The following SLC47A2 variants were observed in gnomAD, a reference collection of about 807,000 sequenced individuals.
SLC47A2 encodes the protein solute carrier family 47 member 2.
Under a neutral mutation model 67.7 loss-of-function variants are expected in SLC47A2, and 52 were observed. The observed-to-expected ratio is 0.77, with a 90% CI of 0.61 to 0.97. The LOEUF is 0.97. Among genes scored for constraint, SLC47A2 ranks in the 50% least tolerant of loss-of-function variants. The pLI, the probability that SLC47A2 is intolerant of heterozygous loss-of-function variation, is 0.00. For missense variants in SLC47A2, 676 were observed against 712.3 expected, an observed-to-expected ratio of 0.95 and a Z score of 0.58; for synonymous variants, 278 against 292.9, an observed-to-expected ratio of 0.95 and a Z score of 0.52.
At chr17:19,713,642 T>C (rs1041845279) in intron 4 of SLC47A2, among the ~76,000 whole-genome samples, 183 bp downstream of exon 4, 1 of 152,230 alleles carries the variant, frequency 6.6e-6, no homozygotes, top group Non-Finnish European at 1.5e-5. Context: ...TGGTCACTGC[T>C]GGAGCCGCAG....
intron 6 of SLC47A2, 78 bp downstream of exon 6, chr17:19,708,638 A>C: frequency 6.2e-7 from 1 of 1,600,346 alleles, no homozygotes; most frequent in Non-Finnish European, 8.5e-7. Context: ...AGAGAAGGGG[A>C]AAGCCCCAGG....
At chr17:19,707,430 C>T (rs181967840) in intron 8 of SLC47A2, among the ~76,000 whole-genome samples, 37 of 152,328 alleles carry the variant, frequency 2.4e-4, no homozygotes, top group African/African-American at 6.5e-4. Context: ...AGGCACCCCA[C>T]GCACTGCTGA....
At chr17:19,708,259 G>A in intron 7 of SLC47A2, 43 bp downstream of exon 7, 2 of 1,601,916 alleles carry the variant, frequency 1.2e-6, no homozygotes, top group Non-Finnish European at 1.7e-6. Context: ...AGAGCTCAGT[G>A]GGCAGTGTCC....
intron 5 of SLC47A2, among the ~76,000 whole-genome samples, chr17:19,711,935 C>A (rs1008630271): frequency 1.3e-5 from 2 of 151,882 alleles, no homozygotes; most frequent in South Asian, 2.1e-4. Context: ...TACCAGATAA[C>A]CTTTGGAATT....
chr17:19,713,489 T>A (rs2086160091), intron 4 of SLC47A2, among the ~76,000 whole-genome samples: 1 of 152,188 alleles, frequency 6.6e-6, no homozygotes. Flanking sequence ...TATGGGAAAA[T>A]GCACACACTT....
chr17:19,681,370 C>T lies in SLC47A2; in HGVS notation c.1389G>A (p.Glu463=). 1 of 1,605,074 alleles carries T rather than the reference C, an allele frequency of 6.2e-7. No homozygotes were observed. Among genetic ancestry groups the T allele is most frequent in the Non-Finnish European group, 8.5e-7 (1 of 1,175,286 alleles). Reference sequence around the variant, plus strand: ...CAGGGTCAGCTGACCCACTTACCTCCTCTGCAGCAAGCTTCCAGTCCAGCC... The same window carrying T: ...CAGGGTCAGCTGACCCACTTACCTCTTCTGCAGCAAGCTTCCAGTCCAGCC... ...TARLDWKLAA[E]EAKKHSGRQQ... Residue 463 remains glutamate (E), a synonymous_variant, in exon 15 of 17, where the codon GAG becomes GAA. Transcript: ENST00000433844.
At chr17:19,714,165 C>T (rs923172969) in intron 3 of SLC47A2, among the ~76,000 whole-genome samples, 192 bp from the exon 4 acceptor site, 1 of 152,214 alleles carries the variant, frequency 6.6e-6, no homozygotes, top group Non-Finnish European at 1.5e-5. Flanking sequence ...ACTGTCTCCA[C>T]TGTTCTTCCA....
intron 5 of SLC47A2, 62 bp downstream of exon 5, chr17:19,712,641 G>A: frequency 2.6e-6 from 4 of 1,566,394 alleles, no homozygotes; most frequent in Non-Finnish European, 3.5e-6. Flanking sequence ...GATAGAGTGG[G>A]AAAGCAAAAA....
In SLC47A2 at chr17:19,715,269, G is replaced by A. The variant is rs117483482; in HGVS notation, c.124-52C>T. On this transcript the variant is annotated intron_variant, in intron 1 of 16. Transcript: ENST00000433844. ...CGGGGCCACAGGTGCCCACACAGCC[G>A]AGCCCTGCAAGACAGGCCTCTCCAG... 6.1e-3 allele frequency: 9,367 copies of A among 1,536,714 alleles called. 354 individuals are homozygous for A. In the East Asian group the frequency reaches 0.11, roughly 19 times the overall value.
At chr17:19,683,763 T>C (rs1050077602) in intron 13 of SLC47A2, among the ~76,000 whole-genome samples, 17 of 152,232 alleles carry the variant, frequency 1.1e-4, no homozygotes, top group African/African-American at 4.1e-4. Context: ...CAGCAGAGAA[T>C]GGAAGCTTTG....
Position 19,678,498 on chromosome 17 carries a change from C to G in SLC47A2, c.*188G>C, listed in dbSNP as rs545027117. On this transcript the variant is annotated 3_prime_UTR_variant, in exon 17 of 17. Coordinates refer to ENST00000433844, the MANE Select transcript of SLC47A2 (RefSeq NM_001099646.3). ...GAAGAAAACTCCAGCTTGACCAGAA[C>G]AGAATTGTCAAGTCTGTTCAGACCC... 4.0e-4 allele frequency: 250 copies of G among 618,746 alleles called. No individual in the cohort carries two copies. The South Asian group carries it at 5.0e-3, about 12-fold the overall frequency. 38.3% of individuals were successfully genotyped at this position (618,746 alleles called of 1,614,324 possible). A position where few individuals can be genotyped will look rare whatever the true frequency, so the allele number is the denominator to read the frequency against.
At chr17:19,707,108 G>A (rs572009270) in intron 8 of SLC47A2, among the ~76,000 whole-genome samples, 1 of 152,204 alleles carries the variant, frequency 6.6e-6, no homozygotes, top group South Asian at 2.1e-4. Flanking sequence ...CCTCCCTGGG[G>A]AGTTTTCAGA....
intron 13 of SLC47A2, among the ~76,000 whole-genome samples, chr17:19,688,060 A>G (rs900930789): frequency 2.6e-5 from 4 of 152,210 alleles, no homozygotes; most frequent in Admixed American, 2.0e-4. Flanking sequence ...TTATCTTGAT[A>G]CCAAAACCAA....
At chr17:19,703,192 A>G (rs746305118) in intron 11 of SLC47A2, 25 bp from the exon 12 acceptor site, 2 of 1,610,532 alleles carry the variant, frequency 1.2e-6, no homozygotes, top group African/African-American at 1.3e-5. Context: ...AGGTGCAGCA[A>G]TGACAGACCC....
intron 13 of SLC47A2, among the ~76,000 whole-genome samples, chr17:19,682,666 T>C (rs1234831172): frequency 1.3e-5 from 2 of 152,198 alleles, no homozygotes; most frequent in Non-Finnish European, 2.9e-5. Context: ...TAATCACACC[T>C]GCAAAGTCCC....
chr17:19,686,350 G>A (rs2085428596), intron 13 of SLC47A2, among the ~76,000 whole-genome samples: 2 of 152,122 alleles, frequency 1.3e-5, no homozygotes, highest in South Asian at 4.1e-4. Context: ...TATACTACCA[G>A]AGAAAATCAC....
In SLC47A2 at chr17:19,678,807, G is replaced by A. The variant is rs1567612178; in HGVS notation, c.1580C>T (p.Ser527Leu). Residue 527 changes from serine (S) to leucine (L), a missense_variant, in exon 17 of 17, where the codon TCA (serine) becomes TTA (leucine). By Grantham distance (145) the Ser-to-Leu change is moderately radical. Transcript: ENST00000433844. ...FRTPEEAHAL[S>L]APTSRLSVKQ... ...CACTGATAGTCTGCTGGTAGGAGCTGAAAGGGCGTGGGCCTCCTCTGGAGT... is the reference window on the plus strand; with the variant it reads ...CACTGATAGTCTGCTGGTAGGAGCTAAAAGGGCGTGGGCCTCCTCTGGAGT... The A allele has an allele frequency of 6.2e-7, 1 of 1,614,198 alleles. No homozygotes were observed. Among genetic ancestry groups the A allele is most frequent in the Non-Finnish European group, 8.5e-7 (1 of 1,180,032 alleles).
intron 13 of SLC47A2, among the ~76,000 whole-genome samples, chr17:19,693,780 A>T (rs2085598026): frequency 6.6e-6 from 1 of 152,178 alleles, no homozygotes; most frequent in Admixed American, 6.5e-5. Context: ...CCTGGGCGAC[A>T]GAGCGAGACT....
Position 19,715,308 on chromosome 17 carries a change from G to A in SLC47A2, c.124-91C>T, listed in dbSNP as rs112175475. ...AGGCCTCTCCAGCTTTGAGGGCCCC[G>A]CACCAGTGCCCCGAGAGGTCACCTA... is the stretch of plus-strand genomic sequence containing the variant. On this transcript the variant is annotated intron_variant, in intron 1 of 16. Transcript: ENST00000433844. 36 of 1,168,156 alleles carry A rather than the reference G, an allele frequency of 3.1e-5. No individual in the cohort carries two copies. In the African/African-American group the frequency reaches 4.2e-4, roughly 14 times the overall value. The allele number at this position is 1,168,156 out of a possible 1,614,324, so 72.4% of individuals were successfully genotyped here.
Sources: allele counts gnomAD v4.1 joint callset (sites outside exome capture counted in the v4.1 genomes callset), GRCh38; gene constraint gnomAD v4.1.1; transcripts MANE v1.5; gene names NCBI Gene and HGNC (gene_info 2026-07-23, HGNC 2026-07-21).